The following GPAM variants were observed in gnomAD, a reference collection of about 807,000 sequenced individuals.
GPAM encodes glycerol-3-phosphate acyltransferase, mitochondrial, also known as glycerol-3-phosphate acyltransferase 1, mitochondrial.
GPAM carries 56 observed loss-of-function variants against 105.0 expected under a neutral mutation model. That is an observed-to-expected ratio of 0.53 (90% confidence interval 0.43 to 0.67). The LOEUF is 0.67. Among genes scored for constraint, GPAM ranks in the 30% least tolerant of loss-of-function variants. GPAM has a pLI of 0.00. For missense variants in GPAM, 855 were observed against 989.8 expected (o/e 0.86, Z 1.83); for synonymous variants, 368 against 354.4 (o/e 1.04, Z -0.43).
intron 14 of GPAM, 141 bp downstream of exon 14, chr10:112,163,557 CCTT>C (rs770403273): frequency 5.1e-5 from 34 of 666,728 alleles, no homozygotes; most frequent in Admixed American, 1.5e-4. Flanking sequence ...CACGGTATCA[CCTT>C]CTTTCTAATA....
In GPAM at chr10:112,170,590, A is replaced by C. The variant is rs569233150; in HGVS notation, c.794+1592T>G. ...GGCTTCTCTAGAGCCCCAGTGGAAT[A>C]GTCCTCTTCCCTCTAAGTCTGTGCC... On this transcript the variant is annotated intron_variant, in intron 9 of 21. Coordinates refer to ENST00000348367, the MANE Select transcript of GPAM (RefSeq NM_001244949.2). 2.6e-5 allele frequency among the ~76,000 whole-genome samples: 4 copies of C among 152,362 alleles called. No homozygotes were observed. In the South Asian group the frequency reaches 8.3e-4, roughly 32 times the overall value.
At chr10:112,160,166 T>G in intron 16 of GPAM, 113 bp from the exon 17 acceptor site, 1 of 1,087,150 alleles carries the variant, frequency 9.2e-7, no homozygotes, top group Non-Finnish European at 1.4e-6. Context: ...ATGGCCTGTA[T>G]TTGGAGAAAT....
At chr10:112,173,970 A>G in intron 6 of GPAM, 125 bp from the exon 7 acceptor site, 2 of 787,696 alleles carry the variant, frequency 2.5e-6, no homozygotes, top group Non-Finnish European at 4.4e-6. Flanking sequence ...ATGCGGTAAC[A>G]TGAAAGAATA....
rs1258073020 is a variant in GPAM, at chr10:112,149,915, T to C, written c.*3635A>G. Reference sequence around the variant, plus strand: ...ACAAAACTACATTTTCTGTGTTTCTTGCAATACACTAACAAGCATAAAAAT... The same window carrying C: ...ACAAAACTACATTTTCTGTGTTTCTCGCAATACACTAACAAGCATAAAAAT... On this transcript the variant is annotated 3_prime_UTR_variant, in exon 22 of 22. Transcript: ENST00000348367. 1 of 985,350 alleles carries C rather than the reference T, an allele frequency of 1.0e-6. No homozygotes were observed. Among genetic ancestry groups the C allele is most frequent in the Non-Finnish European group, 1.2e-6 (1 of 829,508 alleles). 61.0% of individuals were successfully genotyped at this position (985,350 alleles called of 1,614,324 possible).
At chr10:112,181,502 A>G (rs1847507140) in intron 3 of GPAM, among the ~76,000 whole-genome samples, 181 bp downstream of exon 3, 1 of 152,152 alleles carries the variant, frequency 6.6e-6, no homozygotes, top group South Asian at 2.1e-4. Flanking sequence ...AAATTTTCTA[A>G]CCATTTTTTC....
Position 112,164,540 on chromosome 10 carries a change from G to T in GPAM, c.1292C>A (p.Ala431Asp). The T allele has an allele frequency of 6.3e-7, 1 of 1,577,188 alleles. No individual in the cohort carries two copies. Among genetic ancestry groups the T allele is most frequent in the Non-Finnish European group, 8.7e-7 (1 of 1,146,422 alleles). ...LLSLEQALLPAILPSRPSDAA... is the reference protein window; with the variant it reads ...LLSLEQALLPDILPSRPSDAA... ...CAAATTTTACCTTGAAGGAAGTATA[G>T]CTGGTAACAACGCTTGCTCCAGGGA... Residue 431 changes from alanine to aspartate, a missense_variant, in exon 13 of 22, where the codon GCT becomes GAT. Coordinates refer to ENST00000348367, the MANE Select transcript of GPAM (RefSeq NM_001244949.2).
intron 21 of GPAM, chr10:112,154,119 A>G (rs968101430): frequency 5.1e-6 from 1 of 195,910 alleles, no homozygotes; most frequent in African/African-American, 2.4e-5. Flanking sequence ...ATTAAGAGCC[A>G]AGATTGTGGT....
rs1291661301 is a variant in GPAM, at chr10:112,168,966, A to T, written c.795-14T>A. 7.0e-7 allele frequency: 1 copy of T among 1,434,608 alleles called. No individual in the cohort carries two copies. Among genetic ancestry groups the T allele is most frequent in the Admixed American group, 1.7e-5 (1 of 59,796 alleles). The allele number at this position is 1,434,608 out of a possible 1,614,324, so 88.9% of individuals were successfully genotyped here. On this transcript the variant is annotated splice_polypyrimidine_tract_variant and intron_variant, in intron 9 of 21. Coordinates refer to ENST00000348367, the MANE Select transcript of GPAM (RefSeq NM_001244949.2). ...TGGATCAAGGTACTATAAATTCAGA[A>T]TACATGAATTATTTACAAAGAAAAA...
At chr10:112,168,195 G>C in intron 11 of GPAM, 117 bp downstream of exon 11, 1 of 712,814 alleles carries the variant, frequency 1.4e-6, no homozygotes, top group Admixed American at 2.0e-5. Flanking sequence ...TTCATACAGT[G>C]CTTTAAACAT....
In GPAM at chr10:112,154,724, G is replaced by A. The variant is rs367548184; in HGVS notation, c.2312-37C>T. 106 of 1,424,806 alleles carry A rather than the reference G, an allele frequency of 7.4e-5. No individual in the cohort carries two copies. In the African/African-American group the frequency reaches 9.0e-4, roughly 12 times the overall value. 88.3% of individuals were successfully genotyped at this position (1,424,806 alleles called of 1,614,324 possible). ...GAATAAAACCCTGTCAAATGGTTAC[G>A]CTCAACAAATCATGACAATCCCAGC... is the stretch of plus-strand genomic sequence containing the variant. On this transcript the variant is annotated intron_variant, in intron 20 of 21. Transcript: ENST00000348367.
At chr10:112,192,389 A>T (rs1589604258) in intron 1 of GPAM, among the ~76,000 whole-genome samples, 1 of 152,296 alleles carries the variant, frequency 6.6e-6, no homozygotes, top group East Asian at 1.9e-4. Context: ...TCACAATGAA[A>T]TTTTTTTAAG....
the GPAM span, among the ~76,000 whole-genome samples, chr10:112,224,075 G>T: frequency 1.3e-5 from 2 of 152,206 alleles, no homozygotes; most frequent in African/African-American, 2.4e-5. Context: ...AAGATGACAT[G>T]TGTAGTGATG....
intron 21 of GPAM, chr10:112,154,243 G>A (rs993518764): frequency 8.0e-6 from 2 of 248,798 alleles, no homozygotes; most frequent in Non-Finnish European, 7.7e-6. Context: ...GATTAGAGAC[G>A]CTCAACCTGT....
At chr10:112,189,993 A>C (rs1205600878) in intron 1 of GPAM, among the ~76,000 whole-genome samples, 1 of 152,152 alleles carries the variant, frequency 6.6e-6, no homozygotes, top group Admixed American at 6.5e-5. Context: ...TTAATCAAAA[A>C]CTTTTTTACT....
At chr10:112,213,193 C>G (rs919237201) in intron 1 of GPAM, among the ~76,000 whole-genome samples, 1 of 152,210 alleles carries the variant, frequency 6.6e-6, no homozygotes, top group Non-Finnish European at 1.5e-5. Context: ...ATCATTCATT[C>G]ATTTCTCACT....
At chr10:112,156,585 C>G (rs1259219950) in intron 19 of GPAM, 1 of 178,504 alleles carries the variant, frequency 5.6e-6, no homozygotes, top group Non-Finnish European at 1.2e-5. Flanking sequence ...CTCACTGTAC[C>G]TACCCAAAAC....
intron 5 of GPAM, among the ~76,000 whole-genome samples, chr10:112,177,025 T>G (rs1289378920): frequency 1.3e-5 from 2 of 152,120 alleles, no homozygotes; most frequent in African/African-American, 4.8e-5. Context: ...TTTCTTAGGA[T>G]CTTATCATCT....
At chr10:112,199,511 C>A (rs1286170575) in intron 1 of GPAM, among the ~76,000 whole-genome samples, 3 of 152,080 alleles carry the variant, frequency 2.0e-5, no homozygotes, top group African/African-American at 4.8e-5. Flanking sequence ...TGTATACTTG[C>A]AAATTGTTAA....
chr10:112,227,641 C>T, the GPAM span, among the ~76,000 whole-genome samples: 1 of 152,224 alleles, frequency 6.6e-6, no homozygotes. Context: ...GAGCTGAAGA[C>T]ACGCACTGAG....
Sources: allele counts gnomAD v4.1 joint callset (sites outside exome capture counted in the v4.1 genomes callset), GRCh38; gene constraint gnomAD v4.1.1; transcripts MANE v1.5; gene names NCBI Gene and HGNC (gene_info 2026-07-23, HGNC 2026-07-21).